ASIC2: variants seen among roughly 807,000 people sequenced by gnomAD.
The protein encoded by ASIC2 is acid-sensing ion channel 2.
Under a neutral mutation model 57.3 loss-of-function variants are expected in ASIC2, and 25 were observed. The ratio of observed to expected loss-of-function variants is 0.44; its 90% CI spans 0.32 to 0.61. The LOEUF (loss-of-function observed/expected upper bound fraction) is 0.61. ASIC2 is among the 20% of genes least tolerant of loss of function. The pLI, the probability that ASIC2 is intolerant of heterozygous loss-of-function variation, is 0.06. For missense variants in ASIC2, 641 were observed against 738.1 expected (o/e 0.87, Z 1.52); for synonymous variants, 319 against 307.5 (o/e 1.04, Z -0.39).
intron 1 of ASIC2, among the ~76,000 whole-genome samples, chr17:34,011,033 G>GAA (rs36171842): frequency 1.4e-3 from 4 of 2,814 alleles, no homozygotes; most frequent in Admixed American, 4.4e-3. Flanking sequence ...TCAGACACAT[G>GAA]CACACACACA....
chr17:34,005,652 T>G (rs1906501529), intron 1 of ASIC2: 1 of 152,238 alleles, frequency 6.6e-6, no homozygotes, highest in Non-Finnish European at 1.5e-5. Context: ...TGGGATGATT[T>G]TACCTGGAGC....
Position 33,982,743 on chromosome 17 carries a change from G to T in ASIC2, c.555+173235C>A, listed in dbSNP as rs570733955. On this transcript the variant is annotated intron_variant, in intron 1 of 9. Coordinates refer to the ASIC2 transcript ENST00000359872. The stretch of plus-strand genomic sequence containing the variant: ...CATGCTTTGAAAGGAGATTGTATAG[G>T]AAAGTGAAAATCAGACATACTCGTG... Among the ~76,000 whole-genome samples, 15 of 152,260 alleles carry T rather than the reference G, an allele frequency of 9.9e-5. No homozygotes were observed. In the South Asian group the frequency reaches 2.9e-3, roughly 30 times the overall value.
chr17:33,694,299 C>T (rs921903764), intron 1 of ASIC2, among the ~76,000 whole-genome samples: 1 of 152,162 alleles, frequency 6.6e-6, no homozygotes, highest in African/African-American at 2.4e-5. Context: ...TCCAATGGCT[C>T]CTCCACCGTC....
chr17:34,011,858 C>G (rs1340873453), intron 1 of ASIC2, among the ~76,000 whole-genome samples: 1 of 152,212 alleles, frequency 6.6e-6, no homozygotes, highest in Non-Finnish European at 1.5e-5. Context: ...CAGTGTTCAG[C>G]AGTTTACCCT....
At chr17:33,674,816 G>C (rs1357815116) in intron 1 of ASIC2, among the ~76,000 whole-genome samples, 1 of 152,192 alleles carries the variant, frequency 6.6e-6, no homozygotes, top group Admixed American at 6.5e-5. Flanking sequence ...ATGTAGTGTA[G>C]CACAAAGAGC....
At chr17:33,851,944 G>A (rs1913777312) in intron 1 of ASIC2, among the ~76,000 whole-genome samples, 1 of 152,208 alleles carries the variant, frequency 6.6e-6, no homozygotes, top group African/African-American at 2.4e-5. Flanking sequence ...TCCGTGACCA[G>A]GGCAAGAGTG....
chr17:33,580,904 A>T (rs923979845), intron 1 of ASIC2, among the ~76,000 whole-genome samples: 7 of 152,214 alleles, frequency 4.6e-5, no homozygotes, highest in African/African-American at 1.7e-4. Flanking sequence ...TTAATGGGCC[A>T]CGGTCATGTA....
At position 34,067,717 on chromosome 17, in the gene ASIC2, G is replaced by T. The variant is rs534061464; in HGVS notation, c.555+88261C>A. The stretch of plus-strand genomic sequence containing the variant: ...TACCCACACAATAGAATATGCTACT[G>T]TTGTGAAGGATGAGGAAATCTTTAA... On this transcript the variant is annotated intron_variant, in intron 1 of 9. Coordinates refer to the ASIC2 transcript ENST00000359872. 3.3e-5 allele frequency among the ~76,000 whole-genome samples: 5 copies of T among 152,338 alleles called. No homozygotes were observed. The East Asian group carries it at 9.6e-4, about 29-fold the overall frequency.
intron 1 of ASIC2, among the ~76,000 whole-genome samples, chr17:33,141,646 T>C (rs1904322961): frequency 6.6e-6 from 1 of 152,144 alleles, no homozygotes; most frequent in Non-Finnish European, 1.5e-5. Context: ...GATTCCAGGG[T>C]GAGAAGAAGG....
chr17:33,478,974 T>G (rs1443891329), intron 1 of ASIC2, among the ~76,000 whole-genome samples: 2 of 152,154 alleles, frequency 1.3e-5, no homozygotes, highest in Non-Finnish European at 2.9e-5. Context: ...TGGGTTGCTG[T>G]TCACCATGAC....
chr17:34,099,147 AGAGAGAGAG>A, intron 1 of ASIC2, among the ~76,000 whole-genome samples: 1 of 13,304 alleles, frequency 7.5e-5, no homozygotes, highest in African/African-American at 2.7e-4. Context: ...AGAGAGAGAC[AGAGAGAGAG>A]AGAGAGAGAA....
chr17:33,303,248 A>C (rs2142196364), intron 1 of ASIC2, among the ~76,000 whole-genome samples: 1 of 152,338 alleles, frequency 6.6e-6, no homozygotes, highest in South Asian at 2.1e-4. Flanking sequence ...AGAGTTTTGC[A>C]AAAACCCTTG....
chr17:33,122,157 T>G, intron 1 of ASIC2, among the ~76,000 whole-genome samples: 1 of 152,166 alleles, frequency 6.6e-6, no homozygotes, highest in East Asian at 1.9e-4. Flanking sequence ...TCTGCTCCCA[T>G]TCCCATCTCT....
chr17:34,038,399 T>A, intron 1 of ASIC2: 1 of 1,612,032 alleles, frequency 6.2e-7, no homozygotes, highest in Non-Finnish European at 8.5e-7. Context: ...AATCCGGTAT[T>A]CCCTACATGC....
At chr17:33,121,616 C>G (rs1227919167) in intron 1 of ASIC2, among the ~76,000 whole-genome samples, 1 of 152,158 alleles carries the variant, frequency 6.6e-6, no homozygotes, top group Admixed American at 6.5e-5. Flanking sequence ...CCTGCTGAGC[C>G]CTGCCTATCT....
intron 1 of ASIC2, among the ~76,000 whole-genome samples, chr17:33,553,494 C>CTATTATTAT (rs3032154): frequency 5.3e-4 from 79 of 150,446 alleles, no homozygotes; most frequent in African/African-American, 1.9e-3. Flanking sequence ...TTTATTATTA[C>CTATTATTAT]TATTATTATT....
intron 1 of ASIC2, among the ~76,000 whole-genome samples, chr17:33,657,743 C>T (rs1304935423): frequency 7.0e-6 from 1 of 142,286 alleles, no homozygotes; most frequent in African/African-American, 2.7e-5. Flanking sequence ...GCCTCAGACA[C>T]CTTTGGCAGT....
At chr17:33,918,848 A>G (rs1015968800) in intron 1 of ASIC2, among the ~76,000 whole-genome samples, 2 of 152,228 alleles carry the variant, frequency 1.3e-5, no homozygotes, top group Non-Finnish European at 2.9e-5. Flanking sequence ...GCTACTGTAC[A>G]TGAGTCATGC....
chr17:33,869,718 G>T (rs1239319062), intron 1 of ASIC2, among the ~76,000 whole-genome samples: 1 of 152,208 alleles, frequency 6.6e-6, no homozygotes, highest in Non-Finnish European at 1.5e-5. Context: ...GGAAATTAAT[G>T]GTTGCCTATG....
Sources: gnomAD v4.1 joint callset for allele counts (sites outside exome capture counted in the v4.1 genomes callset) on GRCh38, gnomAD v4.1.1 for gene constraint, MANE v1.5 for transcripts, NCBI Gene and HGNC (gene_info 2026-07-23, HGNC 2026-07-21) for gene names.